Variants in MRPS22 observed in about 807,000 individuals in gnomAD.
The protein encoded by MRPS22 is small ribosomal subunit protein mS22.
MRPS22 carries 30 observed loss-of-function variants against 44.0 expected under a neutral mutation model. The ratio of observed to expected loss-of-function variants is 0.68; its 90% confidence interval spans 0.51 to 0.93. The LOEUF (loss-of-function observed/expected upper bound fraction) is 0.93. Ranked by LOEUF, MRPS22 falls within the 40% of genes least tolerant of loss-of-function variation. The pLI is 0.00. For missense variants in MRPS22, 447 were observed against 447.8 expected, an observed-to-expected ratio of 1.00 and a Z score of 0.02; for synonymous variants, 165 against 154.4, an observed-to-expected ratio of 1.07 and a Z score of -0.51.
chr3:139,345,339 G>A (rs932071985), intron 1 of MRPS22, among the ~76,000 whole-genome samples: 7 of 151,976 alleles, frequency 4.6e-5, no homozygotes, highest in African/African-American at 1.7e-4. Context: ...GCTGATGCAA[G>A]AGATGAGGAT....
In MRPS22 at chr3:139,350,291, C is replaced by T. The variant is rs76148008; in HGVS notation, c.617C>T (p.Thr206Ile). The change falls in exon 4 of 8, where the codon ACA becomes ATA. Residue 206 changes from threonine to isoleucine, a missense_variant. Thr to Ile is a moderately conservative substitution (Grantham distance 89). Coordinates refer to ENST00000680020, the MANE Select transcript of MRPS22 (RefSeq NM_020191.4). The stretch of plus-strand genomic sequence containing the variant: ...CCAAAAGAAGGTCGTAAAATTTTGA[C>T]ACCAATAATTTTCAAGGAAGAAAAT... ...YFPKEGRKIL[T>I]PIIFKEENLR... 4,304 of 1,614,080 alleles carry T rather than the reference C, an allele frequency of 2.7e-3. 4 individuals are homozygous for T. Among genetic ancestry groups the T allele is most frequent in the Non-Finnish European group, 3.2e-3 (3,807 of 1,179,976 alleles).
chr3:139,345,438 G>GTTTTTTTTTTTTTTTTTTTTTTTTTTTT (rs55710231), intron 1 of MRPS22, among the ~76,000 whole-genome samples: 3 of 121,644 alleles, frequency 2.5e-5, no homozygotes, highest in Non-Finnish European at 1.6e-5. Flanking sequence ...TGCCAGTGGT[G>GTTTTTTTTTTTTTTTTTTTTTTTTTTTT]TTTTTTTTTT....
intron 1 of MRPS22, among the ~76,000 whole-genome samples, 192 bp downstream of exon 1, chr3:139,344,390 A>G (rs1259800105): frequency 6.6e-6 from 1 of 152,346 alleles, no homozygotes. Flanking sequence ...TCACTCAACT[A>G]CAGTGCCTGA....
chr3:139,345,998 C>G (rs960000724), intron 1 of MRPS22, among the ~76,000 whole-genome samples: 2 of 152,140 alleles, frequency 1.3e-5, no homozygotes, highest in African/African-American at 4.8e-5. Flanking sequence ...GAAGAGGTGA[C>G]TAGGAACAAA....
In MRPS22 at chr3:139,347,036, T is replaced by C. The variant is rs1287259194; in HGVS notation, c.331T>C (p.Leu111=). ...PTYKLMTQAQ[L]EEATRQAVEA... ...CTATAAGCTAATGACTCAGGCACAG[T>C]TGGAAGAGGTACGTGAATGCAGGAA... The change falls in exon 2 of 8, where the codon TTG becomes CTG. Residue 111 remains leucine, a synonymous_variant. Transcript: ENST00000680020. The C allele has an allele frequency of 1.2e-6, 2 of 1,614,172 alleles. No homozygotes were observed. Among genetic ancestry groups the C allele is most frequent in the Non-Finnish European group, 1.7e-6 (2 of 1,180,018 alleles).
Position 139,348,245 on chromosome 3 carries a change from T to C in MRPS22, c.425T>C (p.Leu142Ser). 6.2e-7 allele frequency: 1 copy of C among 1,614,130 alleles called. No individual in the cohort carries two copies. The highest frequency in any genetic ancestry group is 8.5e-7 in the Non-Finnish European group (1 of 1,179,966). Residue 142 changes from leucine (L) to serine (S), a missense_variant, in exon 3 of 8, where the codon TTA (leucine) becomes TCA (serine). Coordinates refer to ENST00000680020, the MANE Select transcript of MRPS22 (RefSeq NM_020191.4). Reference protein sequence around the residue: ...LEERVPINDVLAEDKILEGTE... With the variant: ...LEERVPINDVSAEDKILEGTE... Reference sequence around the variant, plus strand: ...GAGCGAGTACCAATAAATGATGTGTTAGCTGAAGATAAGATTTTGGAAGGA... The same window carrying C: ...GAGCGAGTACCAATAAATGATGTGTCAGCTGAAGATAAGATTTTGGAAGGA...
At chr3:139,354,188 G>C (rs3172327) in intron 6 of MRPS22, among the ~76,000 whole-genome samples, 1 of 152,206 alleles carries the variant, frequency 6.6e-6, no homozygotes, top group Admixed American at 6.5e-5. Flanking sequence ...GTGGAGCTCA[G>C]AAAAGAATTA....
intron 7 of MRPS22, among the ~76,000 whole-genome samples, 170 bp from the exon 8 acceptor site, chr3:139,356,749 T>C (rs865931988): frequency 2.7e-5 from 4 of 149,562 alleles, no homozygotes; most frequent in South Asian, 4.2e-4. Flanking sequence ...TTTCTGTCCA[T>C]GTGTGTTTAT....
chr3:139,346,700 G>A (rs1941043698), intron 1 of MRPS22, among the ~76,000 whole-genome samples, 178 bp from the exon 2 acceptor site: 1 of 152,192 alleles, frequency 6.6e-6, no homozygotes, highest in Admixed American at 6.5e-5. Flanking sequence ...TCATCATAAT[G>A]AGTGCTCAGT....
At chr3:139,352,990 T>TTC (rs1203103958) in intron 6 of MRPS22, among the ~76,000 whole-genome samples, 198 bp downstream of exon 6, 1 of 152,184 alleles carries the variant, frequency 6.6e-6, no homozygotes, top group Non-Finnish European at 1.5e-5. Context: ...GCCACTTACT[T>TTC]TCTCTTGAAA....
At position 139,351,077 on chromosome 3, in the gene MRPS22, T is replaced by G; in HGVS notation, c.732+17T>G. ...TATATCAAGGTGAGTAGATTTTAGT[T>G]TCTAAAATATAGGCTTAAGTATGGT... On this transcript the variant is annotated intron_variant, in intron 5 of 7. Coordinates refer to ENST00000680020, the MANE Select transcript of MRPS22 (RefSeq NM_020191.4). 1 of 1,576,580 alleles carries G rather than the reference T, an allele frequency of 6.3e-7. No individual in the cohort carries two copies. The highest frequency in any genetic ancestry group is 8.7e-7 in the Non-Finnish European group (1 of 1,145,668).
At chr3:139,347,165 G>A in intron 2 of MRPS22, 121 bp downstream of exon 2, 2 of 1,159,370 alleles carry the variant, frequency 1.7e-6, no homozygotes, top group Non-Finnish European at 2.6e-6. Flanking sequence ...GGTAATACCA[G>A]GCATAGAACT....
At chr3:139,344,492 T>TG (rs1346154285) in intron 1 of MRPS22, 2 of 610,736 alleles carry the variant, frequency 3.3e-6, no homozygotes, top group Non-Finnish European at 5.8e-6. Context: ...CTCATGTCCA[T>TG]GGGGAATTGG....
chr3:139,355,934 C>A (rs1941247829), intron 7 of MRPS22, 144 bp downstream of exon 7: 2 of 728,742 alleles, frequency 2.7e-6, no homozygotes, highest in Non-Finnish European at 2.5e-6. Flanking sequence ...TGATTTGTCC[C>A]CATATTTCTT....
At chr3:139,344,347 T>G (rs1342119008) in intron 1 of MRPS22, 149 bp downstream of exon 1, 1 of 879,868 alleles carries the variant, frequency 1.1e-6, no homozygotes, top group Non-Finnish European at 1.8e-6. Context: ...CTGTAGAGTT[T>G]GTCATCACCT....
intron 7 of MRPS22, among the ~76,000 whole-genome samples, chr3:139,356,339 A>C (rs1232365307): frequency 6.6e-6 from 1 of 152,148 alleles, no homozygotes; most frequent in East Asian, 1.9e-4. Context: ...TTGAGATGAT[A>C]TTTTCAGGAA....
At position 139,357,077 on chromosome 3, in the gene MRPS22, C is replaced by T. The variant is rs1334458271; in HGVS notation, c.*63C>T. 2.2e-6 allele frequency: 3 copies of T among 1,342,548 alleles called. No homozygotes were observed. In the African/African-American group the frequency reaches 4.4e-5, roughly 20 times the overall value. The allele number at this position is 1,342,548 out of a possible 1,614,324, so 83.2% of individuals were successfully genotyped here. On this transcript the variant is annotated 3_prime_UTR_variant, in exon 8 of 8. Transcript: ENST00000680020. ...ACTACATTTCTCTGTTAATATTGAG[C>T]TAAATGTTAAAAAATGGCCAGATTA...
In MRPS22 at chr3:139,346,942, C is replaced by G. The variant is rs746665311; in HGVS notation, c.237C>G (p.Leu79=). The G allele has an allele frequency of 6.2e-7, 1 of 1,614,160 alleles. No individual in the cohort carries two copies. Among genetic ancestry groups the G allele is most frequent in the Non-Finnish European group, 8.5e-7 (1 of 1,180,030 alleles). ...TFMDEEVQSI[L]TKMTGLNLQK... Reference sequence around the variant, plus strand: ...TGGATGAGGAAGTTCAAAGCATACTCACGAAAATGACAGGCTTGAACTTGC... The same window carrying G: ...TGGATGAGGAAGTTCAAAGCATACTGACGAAAATGACAGGCTTGAACTTGC... The change falls in exon 2 of 8, where the codon CTC becomes CTG. Residue 79 remains leucine, a synonymous_variant. Coordinates refer to ENST00000680020, the MANE Select transcript of MRPS22 (RefSeq NM_020191.4).
chr3:139,345,020 G>A (rs1239649179), intron 1 of MRPS22, among the ~76,000 whole-genome samples: 2 of 152,126 alleles, frequency 1.3e-5, no homozygotes, highest in Non-Finnish European at 2.9e-5. Flanking sequence ...AGTAAAAATG[G>A]TAACTAAAGG....
Sources: gnomAD v4.1 joint callset for allele counts (sites outside exome capture counted in the v4.1 genomes callset) on GRCh38, gnomAD v4.1.1 for gene constraint, MANE v1.5 for transcripts, NCBI Gene and HGNC (gene_info 2026-07-23, HGNC 2026-07-21) for gene names.